PPA2: variants seen among roughly 807,000 people sequenced by gnomAD.
PPA2 encodes inorganic pyrophosphatase 2, mitochondrial.
A neutral mutation model predicts 49.5 loss-of-function variants in PPA2; 48 were observed. The observed-to-expected ratio is 0.97, with a 90% confidence interval of 0.77 to 1.23. The LOEUF is 1.23. Ranked by LOEUF, PPA2 falls within the 50% of genes most tolerant of loss-of-function variation. The probability of loss-of-function intolerance (pLI) is 0.00; values close to 1 mark genes in which losing one functional copy is unlikely to be tolerated. For missense variants in PPA2, 429 were observed against 410.1 expected (o/e 1.05, Z -0.40); for synonymous variants, 131 against 139.9 (o/e 0.94, Z 0.45).
At chr4:105,443,620 C>G (rs1356570612) in intron 5 of PPA2, among the ~76,000 whole-genome samples, 41 of 146,364 alleles carry the variant, frequency 2.8e-4, no homozygotes, top group African/African-American at 1.0e-3. Flanking sequence ...CACACACACA[C>G]ACACACACAC....
chr4:105,448,866 C>A (rs1722530805), intron 4 of PPA2, among the ~76,000 whole-genome samples: 1 of 151,564 alleles, frequency 6.6e-6, no homozygotes, highest in Non-Finnish European at 1.5e-5. Flanking sequence ...GAAAAAAAAA[C>A]TCTCTATAAA....
chr4:105,423,909 G>A (rs940192765), intron 7 of PPA2, among the ~76,000 whole-genome samples: 2 of 151,780 alleles, frequency 1.3e-5, no homozygotes, highest in Non-Finnish European at 2.9e-5. Context: ...AACAGCAGTT[G>A]GACCATCAAA....
chr4:105,425,759 CACA>C (rs1560625287), intron 6 of PPA2, among the ~76,000 whole-genome samples: 338 of 142,344 alleles, frequency 2.4e-3, no homozygotes, highest in African/African-American at 9.7e-3. Context: ...CACACACACA[CACA>C]CCCATCAGAA....
chr4:105,446,379 T>C lies in PPA2; in HGVS notation c.441+4A>G. On this transcript the variant is annotated splice_donor_region_variant and intron_variant, in intron 5 of 11. Transcript: ENST00000341695. ...ACATTTTACCATTGTAACAAAAATGTTACCTGAGGGAGGGTACCATAATTC... is the reference window on the plus strand; with the variant it reads ...ACATTTTACCATTGTAACAAAAATGCTACCTGAGGGAGGGTACCATAATTC... The C allele has an allele frequency of 6.5e-7, 1 of 1,543,260 alleles. No individual in the cohort carries two copies. The highest frequency in any genetic ancestry group is 8.7e-7 in the Non-Finnish European group (1 of 1,146,002).
At chr4:105,433,964 G>A (rs772311425) in intron 6 of PPA2, among the ~76,000 whole-genome samples, 4 of 152,300 alleles carry the variant, frequency 2.6e-5, no homozygotes, top group Middle Eastern at 3.4e-3. Context: ...AGAGAAGGGC[G>A]TTTAGCTGTG....
At chr4:105,370,511 A>G in intron 11 of PPA2, 1 of 741,574 alleles carries the variant, frequency 1.3e-6, no homozygotes, top group African/African-American at 1.9e-5. Flanking sequence ...ATAAATATCT[A>G]AATGTAAGAG....
chr4:105,473,388 A>C (rs1002982228), intron 1 of PPA2: 13 of 357,214 alleles, frequency 3.6e-5, no homozygotes, highest in Non-Finnish European at 7.1e-5. Flanking sequence ...CCTCCAAAAA[A>C]AGAAGACGCG....
At chr4:105,453,891 C>T (rs887376394) in intron 2 of PPA2, 7 of 341,384 alleles carry the variant, frequency 2.1e-5, no homozygotes, top group Admixed American at 9.6e-5. Context: ...GTATATTTTC[C>T]CAGTTTTTAT....
Position 105,380,889 on chromosome 4 carries a change from T to C in PPA2, c.939+5678A>G, listed in dbSNP as rs974542636. ...TCTGATCATAAACACATGTATAGTG[T>C]CTCTGTAAGATGTGTACCTAGAAGG... On this transcript the variant is annotated intron_variant, in intron 10 of 11. Coordinates refer to ENST00000341695, the MANE Select transcript of PPA2 (RefSeq NM_176869.3). 8.5e-5 allele frequency among the ~76,000 whole-genome samples: 13 copies of C among 152,140 alleles called. No individual in the cohort carries two copies. In the East Asian group the frequency reaches 9.6e-4, roughly 11 times the overall value.
At chr4:105,384,335 T>G (rs1453294629) in intron 10 of PPA2, among the ~76,000 whole-genome samples, 1 of 152,186 alleles carries the variant, frequency 6.6e-6, no homozygotes, top group Non-Finnish European at 1.5e-5. Context: ...AGCCAGGTAA[T>G]TAAAGCTGTA....
At chr4:105,424,372 T>C (rs1388759020) in intron 6 of PPA2, 50 bp from the exon 7 acceptor site, 5 of 1,464,140 alleles carry the variant, frequency 3.4e-6, no homozygotes, top group Non-Finnish European at 4.5e-6. Flanking sequence ...GAGAGTTTAC[T>C]CACATATCAC....
At chr4:105,440,854 A>G (rs1994636) in intron 5 of PPA2, among the ~76,000 whole-genome samples, 86,871 of 151,928 alleles carry the variant, frequency 0.57, 24,869 homozygotes, top group East Asian at 0.68. Flanking sequence ...GTACCCAAGT[A>G]GAAAATTCTT....
chr4:105,438,535 T>C (rs1724181710), intron 5 of PPA2, among the ~76,000 whole-genome samples: 1 of 152,234 alleles, frequency 6.6e-6, no homozygotes, highest in Non-Finnish European at 1.5e-5. Flanking sequence ...CTATTTTGTC[T>C]TATTCATTCC....
At chr4:105,446,915 C>T (rs1395520415) in intron 4 of PPA2, among the ~76,000 whole-genome samples, 4 of 152,032 alleles carry the variant, frequency 2.6e-5, no homozygotes, top group Non-Finnish European at 5.9e-5. Flanking sequence ...AAAGCCTTTC[C>T]TCTAAGATTT....
chr4:105,369,918 A>G (rs1333328161), intron 11 of PPA2, among the ~76,000 whole-genome samples, 165 bp from the exon 12 acceptor site: 1 of 152,262 alleles, frequency 6.6e-6, no homozygotes, highest in African/African-American at 2.4e-5. Context: ...TTTCCCTTCA[A>G]ACTTTCGTCC....
At chr4:105,372,128 A>T (rs894639622) in intron 10 of PPA2, among the ~76,000 whole-genome samples, 1 of 152,154 alleles carries the variant, frequency 6.6e-6, no homozygotes, top group Admixed American at 6.5e-5. Context: ...ACAGGCTTAA[A>T]CCTGTCTGGG....
rs977362575 is a variant in PPA2, at chr4:105,471,930, G to C, written c.157+1964C>G. 4.6e-5 allele frequency among the ~76,000 whole-genome samples: 7 copies of C among 152,138 alleles called. No individual in the cohort carries two copies. The East Asian group carries it at 1.3e-3, about 29-fold the overall frequency. On this transcript the variant is annotated intron_variant, in intron 1 of 11. Coordinates refer to ENST00000341695, the MANE Select transcript of PPA2 (RefSeq NM_176869.3). ...TCCTGCCCTGTTTATCCAACTGAAT[G>C]AAAAACGTATTTTATTTGTGGCACT...
At chr4:105,425,406 A>G (rs1723450621) in intron 6 of PPA2, among the ~76,000 whole-genome samples, 1 of 152,216 alleles carries the variant, frequency 6.6e-6, no homozygotes, top group Non-Finnish European at 1.5e-5. Flanking sequence ...TTAAGAGCTA[A>G]GACATATATA....
At chr4:105,463,274 T>A (rs954428828) in intron 1 of PPA2, among the ~76,000 whole-genome samples, 2 of 152,188 alleles carry the variant, frequency 1.3e-5, no homozygotes, top group Non-Finnish European at 2.9e-5. Context: ...TTGACAGTTT[T>A]AGCAAAGAGA....
Sources: allele counts gnomAD v4.1 joint callset (sites outside exome capture counted in the v4.1 genomes callset), GRCh38; gene constraint gnomAD v4.1.1; transcripts MANE v1.5; gene names NCBI Gene and HGNC (gene_info 2026-07-23, HGNC 2026-07-21).